Variants in LGSN observed in about 807,000 individuals in gnomAD.
LGSN encodes the protein lengsin.
In LGSN, 21 loss-of-function variants were observed where a neutral mutation model predicts 19.5. The observed-to-expected ratio is 1.07, with a 90% CI of 0.76 to 1.55. The LOEUF (loss-of-function observed/expected upper bound fraction) is 1.55, where lower values mean the gene tolerates loss of function less well. LGSN is among the 40% of genes most tolerant of loss of function. LGSN has a pLI of 0.00. For synonymous variants in LGSN, 257 were observed against 215.6 expected, an observed-to-expected ratio of 1.19 and a Z score of -1.68; for missense variants, 673 against 608.5, an observed-to-expected ratio of 1.11 and a Z score of -1.12.
At chr6:63,461,336 G>A in the LGSN span, among the ~76,000 whole-genome samples, 1 of 152,316 alleles carries the variant, frequency 6.6e-6, no homozygotes, top group Admixed American at 6.5e-5. Context: ...ACAGGCATAA[G>A]CCATCATGCC....
the LGSN span, among the ~76,000 whole-genome samples, chr6:63,430,435 CTGAAG>C: frequency 6.6e-6 from 1 of 152,036 alleles, no homozygotes; most frequent in Non-Finnish European, 1.5e-5. Flanking sequence ...GTCTCTCAAG[CTGAAG>C]TGAAGTGGTA....
chr6:63,321,938 G>T (rs79577235), upstream of LGSN, among the ~76,000 whole-genome samples: 1 of 152,120 alleles, frequency 6.6e-6, no homozygotes, highest in Non-Finnish European at 1.5e-5. Flanking sequence ...TGGAAAGACC[G>T]TTCAACTCAA....
the LGSN span, among the ~76,000 whole-genome samples, chr6:63,415,220 C>T: frequency 1.3e-5 from 2 of 152,126 alleles, no homozygotes; most frequent in African/African-American, 4.8e-5. Flanking sequence ...ACTCAGGAGG[C>T]TGAGGTAGGA....
chr6:63,348,263 G>T, the LGSN span, among the ~76,000 whole-genome samples: 1 of 152,146 alleles, frequency 6.6e-6, no homozygotes, highest in Admixed American at 6.5e-5. Context: ...AGACCAGCCT[G>T]GTCAACATGG....
At chr6:63,516,398 T>G in the LGSN span, among the ~76,000 whole-genome samples, 2 of 152,320 alleles carry the variant, frequency 1.3e-5, no homozygotes, top group East Asian at 3.9e-4. Flanking sequence ...TTAGACTAAT[T>G]TAGCAGAAGA....
chr6:63,348,546 T>C, the LGSN span, among the ~76,000 whole-genome samples: 5 of 152,128 alleles, frequency 3.3e-5, no homozygotes, highest in African/African-American at 1.2e-4. Flanking sequence ...GTTTCTATTT[T>C]GATTTTTTAG....
chr6:63,531,955 C>T, the LGSN span, among the ~76,000 whole-genome samples: 1 of 152,068 alleles, frequency 6.6e-6, no homozygotes, highest in Admixed American at 6.6e-5. Flanking sequence ...CATCCACCAC[C>T]ATGGCTGGTT....
At chr6:63,477,109 C>T in the LGSN span, among the ~76,000 whole-genome samples, 1 of 152,190 alleles carries the variant, frequency 6.6e-6, no homozygotes, top group Non-Finnish European at 1.5e-5. Context: ...CAGCATTTCT[C>T]ATCACAGTTT....
the LGSN span, among the ~76,000 whole-genome samples, chr6:63,513,122 C>T: frequency 6.6e-6 from 1 of 152,160 alleles, no homozygotes; most frequent in African/African-American, 2.4e-5. Flanking sequence ...GGGTCCTTAA[C>T]GTGCTGACTT....
At chr6:63,360,410 T>C in the LGSN span, among the ~76,000 whole-genome samples, 3 of 152,220 alleles carry the variant, frequency 2.0e-5, no homozygotes, top group African/African-American at 7.2e-5. Context: ...TTTCATTCAT[T>C]TGATCTTCCA....
the LGSN span, among the ~76,000 whole-genome samples, chr6:63,376,368 C>A: frequency 6.6e-6 from 1 of 152,162 alleles, no homozygotes; most frequent in Non-Finnish European, 1.5e-5. Context: ...TAAGAAACAT[C>A]AAAATTATAC....
chr6:63,281,256 A>G (rs765911159), intron 3 of LGSN, 36 bp from the exon 4 acceptor site: 1 of 1,411,566 alleles, frequency 7.1e-7, no homozygotes, highest in Non-Finnish European at 9.3e-7. Context: ...TTAGGTTTTG[A>G]AAACAAACAA....
chr6:63,287,128 G>C (rs1415526358), intron 2 of LGSN, among the ~76,000 whole-genome samples: 2 of 152,144 alleles, frequency 1.3e-5, no homozygotes, highest in Non-Finnish European at 2.9e-5. Context: ...AGATTAAGTA[G>C]ATTTTAAGTA....
the LGSN span, among the ~76,000 whole-genome samples, chr6:63,562,001 G>A: frequency 1.3e-5 from 2 of 150,914 alleles, no homozygotes; most frequent in African/African-American, 4.9e-5. Flanking sequence ...ATCATTTTTG[G>A]AAAAAAAATA....
chr6:63,439,747 T>G, the LGSN span, among the ~76,000 whole-genome samples: 5 of 152,294 alleles, frequency 3.3e-5, no homozygotes, highest in Admixed American at 3.3e-4. Context: ...GAATTCCCTC[T>G]GGTAGAAAAG....
the LGSN span, among the ~76,000 whole-genome samples, chr6:63,457,814 G>A: frequency 1.3e-5 from 2 of 152,058 alleles, no homozygotes; most frequent in African/African-American, 4.8e-5. Context: ...AAGAGGCACA[G>A]GTTGCAGTGA....
chr6:63,510,112 C>T, the LGSN span, among the ~76,000 whole-genome samples: 11 of 152,164 alleles, frequency 7.2e-5, no homozygotes, highest in African/African-American at 2.2e-4. Flanking sequence ...AACAACAAAC[C>T]CTTGAGTTTC....
chr6:63,501,598 A>T, the LGSN span, among the ~76,000 whole-genome samples: 2 of 152,068 alleles, frequency 1.3e-5, no homozygotes, highest in Non-Finnish European at 2.9e-5. Flanking sequence ...GAAAAAAAAA[A>T]AGCGCTTGTT....
At chr6:63,329,622 T>C in the LGSN span, among the ~76,000 whole-genome samples, 1 of 152,184 alleles carries the variant, frequency 6.6e-6, no homozygotes, top group African/African-American at 2.4e-5. Context: ...TCTTTTAACC[T>C]GATTTGGACT....
Sources: allele counts gnomAD v4.1 joint callset (sites outside exome capture counted in the v4.1 genomes callset), GRCh38; gene constraint gnomAD v4.1.1; transcripts MANE v1.5; gene names NCBI Gene and HGNC (gene_info 2026-07-23, HGNC 2026-07-21).